Variants in MAK16 observed in about 807,000 individuals in gnomAD.
MAK16 encodes the protein MAK16 homolog.
Under a neutral mutation model 49.9 loss-of-function variants are expected in MAK16, and 12 were observed. The ratio of observed to expected loss-of-function variants is 0.24; its 90% confidence interval spans 0.15 to 0.39. MAK16 has a LOEUF of 0.39. Ranked by LOEUF, MAK16 falls within the 10% of genes least tolerant of loss-of-function variation. The pLI, the probability that MAK16 is intolerant of heterozygous loss-of-function variation, is 1.00. For synonymous variants in MAK16, 115 were observed against 126.4 expected (o/e 0.91, Z 0.60); for missense variants, 292 against 363.7 (o/e 0.80, Z 1.60).
At position 33,499,225 on chromosome 8, in the gene MAK16, T is replaced by G; in HGVS notation, c.*596T>G. The G allele has an allele frequency of 1.2e-6, 2 of 1,614,158 alleles. No individual in the cohort carries two copies. The highest frequency in any genetic ancestry group is 1.7e-6 in the Non-Finnish European group (2 of 1,180,014). On this transcript the variant is annotated 3_prime_UTR_variant, in exon 10 of 10. Coordinates refer to ENST00000360128, the MANE Select transcript of MAK16 (RefSeq NM_032509.4). ...AGAAACCTGCTGCACTTTTCTGATA[T>G]AGTTCACCACTTTTCTGTCTTCACA... is the stretch of plus-strand genomic sequence containing the variant.
chr8:33,499,205 C>T lies in MAK16; in HGVS notation c.*576C>T. ...CCATTGTAGGGTGCGCCTTCAGAAA[C>T]CTGCTGCACTTTTCTGATATAGTTC... On this transcript the variant is annotated 3_prime_UTR_variant, in exon 10 of 10. Coordinates refer to ENST00000360128, the MANE Select transcript of MAK16 (RefSeq NM_032509.4). 1 of 1,614,096 alleles carries T rather than the reference C, an allele frequency of 6.2e-7. No individual in the cohort carries two copies. Among genetic ancestry groups the T allele is most frequent in the Non-Finnish European group, 8.5e-7 (1 of 1,179,984 alleles).
chr8:33,493,347 T>A (rs1045222547), intron 6 of MAK16, among the ~76,000 whole-genome samples: 4 of 152,062 alleles, frequency 2.6e-5, no homozygotes, highest in African/African-American at 9.7e-5. Context: ...AGAGATGGGG[T>A]TTCACCACAT....
chr8:33,488,837 G>A, intron 4 of MAK16, 39 bp downstream of exon 4: 1 of 1,611,118 alleles, frequency 6.2e-7, no homozygotes, highest in South Asian at 1.1e-5. Flanking sequence ...CGCTGATCAA[G>A]AGCATCAAAG....
At chr8:33,492,988 CTTTTT>C (rs1213149307) in intron 6 of MAK16, among the ~76,000 whole-genome samples, 5 of 148,012 alleles carry the variant, frequency 3.4e-5, no homozygotes, top group African/African-American at 1.2e-4. Context: ...TGGTATTTTT[CTTTTT>C]TTTATATTTA....
intron 1 of MAK16, 32 bp downstream of exon 1, chr8:33,485,253 G>A: frequency 6.2e-7 from 1 of 1,614,130 alleles, no homozygotes; most frequent in Non-Finnish European, 8.5e-7. Flanking sequence ...TTACACCCGG[G>A]GTTTGCGCAG....
intron 9 of MAK16, among the ~76,000 whole-genome samples, chr8:33,498,096 C>CAA (rs71209938): frequency 9.8e-5 from 12 of 122,468 alleles, no homozygotes; most frequent in African/African-American, 3.8e-4. Context: ...ACTCCGTCTC[C>CAA]AAAAAAAAAA....
At chr8:33,495,399 T>C in intron 6 of MAK16, 143 bp from the exon 7 acceptor site, 1 of 660,092 alleles carries the variant, frequency 1.5e-6, no homozygotes, top group Admixed American at 3.3e-5. Context: ...TCTATCTCGT[T>C]GGAAAGGCAA....
Position 33,499,565 on chromosome 8 carries a change from TAGGGCTTGA to T in MAK16, c.*938_*946del, listed in dbSNP as rs1808988092. The T allele has an allele frequency of 6.1e-6, 2 of 327,910 alleles. No homozygotes were observed. The highest frequency in any genetic ancestry group is 7.3e-5 in the South Asian group (2 of 27,396). 20.3% of individuals were successfully genotyped at this position (327,910 alleles called of 1,614,324 possible). A position where few individuals can be genotyped will look rare whatever the true frequency, so the allele number is the denominator to read the frequency against. ...CAGCCAAGGCAAATTCAGTTGGATC[TAGGGCTTGA>T]AAACTGCCCAAGATTAAAGAGCTAA... On this transcript the variant is annotated 3_prime_UTR_variant, in exon 10 of 10. Transcript: ENST00000360128.
At chr8:33,486,154 G>T (rs1808683801) in intron 1 of MAK16, among the ~76,000 whole-genome samples, 1 of 152,162 alleles carries the variant, frequency 6.6e-6, no homozygotes, top group Admixed American at 6.5e-5. Flanking sequence ...TGTAGGAAGT[G>T]TTTTTTAGGC....
intron 6 of MAK16, among the ~76,000 whole-genome samples, chr8:33,493,043 T>C (rs1373813568): frequency 6.6e-6 from 1 of 152,180 alleles, no homozygotes; most frequent in African/African-American, 2.4e-5. Flanking sequence ...GCTTTTCTTT[T>C]GATGCTTCTG....
intron 9 of MAK16, among the ~76,000 whole-genome samples, chr8:33,497,828 G>A (rs1808900964): frequency 2.0e-5 from 3 of 151,452 alleles, no homozygotes; most frequent in Non-Finnish European, 4.4e-5. Context: ...AGGCGTGGTG[G>A]CTCACGCCTA....
chr8:33,488,304 G>T, intron 1 of MAK16, 74 bp from the exon 2 acceptor site: 1 of 1,416,912 alleles, frequency 7.1e-7, no homozygotes, highest in Non-Finnish European at 1.0e-6. Context: ...CTGTCCTTGG[G>T]CATTGCCTTC....
chr8:33,489,098 C>G lies in MAK16; in HGVS notation c.351C>G (p.Thr117=), dbSNP rs781624431. ...GTAAGCAGAGATTCACCAAGATCACCCAATACCTAATTCGAATTAGAAAAC... is the reference window on the plus strand; with the variant it reads ...GTAAGCAGAGATTCACCAAGATCACGCAATACCTAATTCGAATTAGAAAAC... ...HKCKQRFTKI[T]QYLIRIRKLT... Residue 117 remains threonine (T), a synonymous_variant, in exon 5 of 10, where the codon ACC becomes ACG. Coordinates refer to ENST00000360128, the MANE Select transcript of MAK16 (RefSeq NM_032509.4). This position sits in a 1 kb window ranked among gnomAD's most constrained non-coding sequence, Gnocchi z 4.2. 1.2e-6 allele frequency: 2 copies of G among 1,613,768 alleles called. No homozygotes were observed. The highest frequency in any genetic ancestry group is 1.7e-6 in the Non-Finnish European group (2 of 1,179,810).
At chr8:33,495,117 A>C (rs1184909078) in intron 6 of MAK16, among the ~76,000 whole-genome samples, 2 of 152,222 alleles carry the variant, frequency 1.3e-5, no homozygotes, top group Non-Finnish European at 2.9e-5. Flanking sequence ...TCACTGGAGG[A>C]AGAGATTTTT....
chr8:33,500,668 A>C lies in MAK16; in HGVS notation c.*2039A>C. Reference sequence around the variant, plus strand: ...GACAGCCTCTAGATTTCTTACCCTCAAGTCTCCTGTTAGCATACTGCCTAT... The same window carrying C: ...GACAGCCTCTAGATTTCTTACCCTCCAGTCTCCTGTTAGCATACTGCCTAT... On this transcript the variant is annotated 3_prime_UTR_variant, in exon 10 of 10. Coordinates refer to ENST00000360128, the MANE Select transcript of MAK16 (RefSeq NM_032509.4). 1 of 658,966 alleles carries C rather than the reference A, an allele frequency of 1.5e-6. No homozygotes were observed. The highest frequency in any genetic ancestry group is 2.5e-6 in the Non-Finnish European group (1 of 399,674). 40.8% of individuals were successfully genotyped at this position (658,966 alleles called of 1,614,324 possible).
intron 5 of MAK16, 36 bp from the exon 6 acceptor site, chr8:33,490,249 G>A (rs1563346371): frequency 1.3e-6 from 2 of 1,556,288 alleles, no homozygotes; most frequent in East Asian, 2.2e-5. Context: ...CACAGCACAT[G>A]ACAGTGGATT....
intron 9 of MAK16, 37 bp downstream of exon 9, chr8:33,497,334 G>C: frequency 1.8e-6 from 2 of 1,141,806 alleles, no homozygotes; most frequent in South Asian, 1.4e-5. Context: ...CCTTTGGCCT[G>C]CAGCAAAAAA....
chr8:33,488,290 A>C, intron 1 of MAK16, 88 bp from the exon 2 acceptor site: 1 of 1,339,412 alleles, frequency 7.5e-7, no homozygotes, highest in South Asian at 1.2e-5. Flanking sequence ...TCTTCCTCTC[A>C]TTCCTGTCCT....
In MAK16 at chr8:33,496,733, G is replaced by C. The variant is rs144632126; in HGVS notation, c.631G>C (p.Asp211His). 74 of 1,608,124 alleles carry C rather than the reference G, an allele frequency of 4.6e-5. No individual in the cohort carries two copies. Among genetic ancestry groups the C allele is most frequent in the Middle Eastern group, 1.7e-4 (1 of 6,056 alleles). ...DTEEKDDDDD[D>H]EEDVGKREFV... is the part of the protein sequence containing the mutation. The stretch of plus-strand genomic sequence containing the variant: ...TGAGGAAAAAGATGATGATGATGAT[G>C]ATGAGGAAGTAAGTCTTGTTTTTGT... The change falls in exon 8 of 10, where the codon GAT (aspartate) becomes CAT (histidine). Residue 211 changes from aspartate to histidine, a missense_variant. Transcript: ENST00000360128.
Sources: allele counts gnomAD v4.1 joint callset (sites outside exome capture counted in the v4.1 genomes callset), GRCh38; gene constraint gnomAD v4.1.1; non-coding constraint Gnocchi (gnomAD v3.1); transcripts MANE v1.5; gene names NCBI Gene and HGNC (gene_info 2026-07-23, HGNC 2026-07-21).